Variants in LRRIQ3 observed in about 807,000 individuals in gnomAD.
LRRIQ3 encodes leucine rich repeats and IQ motif containing 3.
A neutral mutation model predicts 59.3 loss-of-function variants in LRRIQ3; 75 were observed. The ratio of observed to expected loss-of-function variants is 1.26; its 90% CI spans 1.05 to 1.53. The LOEUF (loss-of-function observed/expected upper bound fraction) is 1.53. LRRIQ3 is among the 40% of genes most tolerant of loss of function. The pLI, the probability that LRRIQ3 is intolerant of heterozygous loss-of-function variation, is 0.00. For missense variants in LRRIQ3, 831 were observed against 710.0 expected (o/e 1.17, Z -1.94); for synonymous variants, 250 against 231.3 (o/e 1.08, Z -0.73).
rs183698978 is a variant in LRRIQ3, at chr1:74,030,576, G to A, written c.1719-3607C>T. Reference sequence around the variant, plus strand: ...TAGCCATATGTAGAAAGCTGAAACTGGATCCCTTCCTTACACCTTATACAA... The same window carrying A: ...TAGCCATATGTAGAAAGCTGAAACTAGATCCCTTCCTTACACCTTATACAA... On this transcript the variant is annotated intron_variant, in intron 7 of 7. Coordinates refer to ENST00000354431, the MANE Select transcript of LRRIQ3 (RefSeq NM_001105659.2). Among the ~76,000 whole-genome samples the A allele has an allele frequency of 9.9e-5, 15 of 152,222 alleles. No individual in the cohort carries two copies. In the South Asian group the frequency reaches 2.5e-3, roughly 25 times the overall value.
intron 4 of LRRIQ3, among the ~76,000 whole-genome samples, chr1:74,152,349 G>A (rs1391660930): frequency 6.6e-6 from 1 of 151,944 alleles, no homozygotes; most frequent in African/African-American, 2.4e-5. Flanking sequence ...CCATCACTAT[G>A]ATAAATGAAT....
chr1:74,084,186 A>G (rs1179563626), intron 5 of LRRIQ3: 1 of 1,547,422 alleles, frequency 6.5e-7, no homozygotes, highest in East Asian at 2.5e-5. Flanking sequence ...AGCCCACTTC[A>G]GTGAAAATTG....
intron 6 of LRRIQ3, among the ~76,000 whole-genome samples, chr1:74,057,422 G>C (rs1654569686): frequency 6.6e-6 from 1 of 152,062 alleles, no homozygotes. Context: ...GAACATAATA[G>C]AGAGCCCATA....
At chr1:74,088,649 A>T (rs1208703074) in intron 5 of LRRIQ3, among the ~76,000 whole-genome samples, 1 of 151,978 alleles carries the variant, frequency 6.6e-6, no homozygotes, top group Non-Finnish European at 1.5e-5. Flanking sequence ...CCTTTACCTC[A>T]CACCACATGA....
At chr1:74,166,832 G>A (rs1009755270) in intron 3 of LRRIQ3, among the ~76,000 whole-genome samples, 3 of 151,418 alleles carry the variant, frequency 2.0e-5, no homozygotes, top group African/African-American at 4.8e-5. Context: ...ACAAATGGCC[G>A]ACAAACATAT....
intron 7 of LRRIQ3, among the ~76,000 whole-genome samples, chr1:74,031,454 C>G (rs1326862107): frequency 3.9e-5 from 6 of 152,074 alleles, no homozygotes; most frequent in Admixed American, 3.9e-4. Context: ...GAGTTCATGT[C>G]CTTTGTAGGG....
intron 1 of LRRIQ3, among the ~76,000 whole-genome samples, chr1:74,186,652 G>C (rs1456789989): frequency 6.6e-6 from 1 of 152,058 alleles, no homozygotes; most frequent in African/African-American, 2.4e-5. Context: ...TTGTAAATAA[G>C]ACATAGAGTT....
chr1:74,085,459 G>A (rs1484879192), intron 5 of LRRIQ3, among the ~76,000 whole-genome samples: 1 of 151,642 alleles, frequency 6.6e-6, no homozygotes, highest in East Asian at 1.9e-4. Context: ...AAACAAACCT[G>A]AATAACATCA....
intron 5 of LRRIQ3, among the ~76,000 whole-genome samples, chr1:74,104,562 G>A (rs1255312208): frequency 2.6e-5 from 4 of 151,922 alleles, no homozygotes; most frequent in African/African-American, 9.7e-5. Context: ...ATCACCAAGT[G>A]AAAAGAAGCC....
chr1:74,045,834 T>G (rs1422495551), intron 6 of LRRIQ3, among the ~76,000 whole-genome samples: 1 of 151,888 alleles, frequency 6.6e-6, no homozygotes, highest in Non-Finnish European at 1.5e-5. Context: ...AACAGCCAAT[T>G]CATGAGTGAA....
chr1:74,126,742 T>A (rs998045959), intron 4 of LRRIQ3, among the ~76,000 whole-genome samples: 1 of 151,938 alleles, frequency 6.6e-6, no homozygotes, highest in African/African-American at 2.4e-5. Context: ...ATTAAAAAAA[T>A]TTTAAGACTT....
At chr1:74,140,764 G>A (rs1202682752) in intron 4 of LRRIQ3, among the ~76,000 whole-genome samples, 3 of 151,634 alleles carry the variant, frequency 2.0e-5, no homozygotes, top group African/African-American at 7.3e-5. Context: ...CACCAAATAA[G>A]TTATTATCAT....
At chr1:74,075,555 A>C (rs1646197227) in intron 5 of LRRIQ3, among the ~76,000 whole-genome samples, 1 of 151,704 alleles carries the variant, frequency 6.6e-6, no homozygotes, top group Non-Finnish European at 1.5e-5. Context: ...CAACAGAGCG[A>C]GACTCCGTCT....
intron 6 of LRRIQ3, among the ~76,000 whole-genome samples, chr1:74,047,827 C>A (rs1006154041): frequency 1.3e-5 from 2 of 152,034 alleles, no homozygotes; most frequent in East Asian, 3.9e-4. Flanking sequence ...GAGCCCCAAC[C>A]CCCAGTGTGG....
intron 6 of LRRIQ3, among the ~76,000 whole-genome samples, chr1:74,059,163 T>C (rs929462117): frequency 6.6e-6 from 1 of 152,094 alleles, no homozygotes; most frequent in African/African-American, 2.4e-5. Context: ...ACTTTCTTGA[T>C]GGTATACTTT....
chr1:74,107,969 T>C (rs1212933858), intron 5 of LRRIQ3, among the ~76,000 whole-genome samples: 1 of 151,784 alleles, frequency 6.6e-6, no homozygotes, highest in Non-Finnish European at 1.5e-5. Context: ...AAAAACTTCA[T>C]AATATTCAAA....
chr1:74,186,898 C>T (rs1650419865), intron 1 of LRRIQ3, among the ~76,000 whole-genome samples: 1 of 151,868 alleles, frequency 6.6e-6, no homozygotes, highest in Non-Finnish European at 1.5e-5. Context: ...TCTTTTCCTC[C>T]ATTTTGTTCA....
intron 3 of LRRIQ3, among the ~76,000 whole-genome samples, chr1:74,166,089 G>T (rs1221957071): frequency 1.3e-5 from 2 of 151,604 alleles, no homozygotes; most frequent in African/African-American, 4.8e-5. Flanking sequence ...ATTAGGAGGT[G>T]TTCCTTTTTT....
intron 5 of LRRIQ3, among the ~76,000 whole-genome samples, chr1:74,097,573 C>A (rs900836140): frequency 3.9e-5 from 6 of 151,976 alleles, no homozygotes; most frequent in African/African-American, 1.5e-4. Context: ...AGATACTCCT[C>A]GAGAAGAGCA....
Sources: allele counts gnomAD v4.1 joint callset (sites outside exome capture counted in the v4.1 genomes callset), GRCh38; gene constraint gnomAD v4.1.1; transcripts MANE v1.5; gene names NCBI Gene and HGNC (gene_info 2026-07-23, HGNC 2026-07-21).